The following GNB1 variants were observed in gnomAD, a reference collection of about 807,000 sequenced individuals.
GNB1 encodes the protein guanine nucleotide-binding protein G(I)/G(S)/G(T) subunit beta-1.
In GNB1, 2 loss-of-function variants were observed where a neutral mutation model predicts 42.9. The observed-to-expected ratio is 0.05, with a 90% CI of 0.02 to 0.15. The LOEUF is 0.15. GNB1 is among the 10% of genes least tolerant of loss of function. The pLI, the probability that GNB1 is intolerant of heterozygous loss-of-function variation, is 1.00. For synonymous variants in GNB1, 183 were observed against 174.7 expected (o/e 1.05, Z -0.38); for missense variants, 193 against 462.2 (o/e 0.42, Z 5.34).
intron 1 of GNB1, among the ~76,000 whole-genome samples, chr1:1,870,329 A>G (rs538863273): frequency 6.6e-6 from 1 of 152,230 alleles, no homozygotes; most frequent in African/African-American, 2.4e-5. Flanking sequence ...CACCATGCCC[A>G]GCTAATTTTG....
chr1:1,879,676 G>T (rs1649735149), intron 1 of GNB1, among the ~76,000 whole-genome samples: 1 of 149,280 alleles, frequency 6.7e-6, no homozygotes, highest in Non-Finnish European at 1.5e-5. Flanking sequence ...CTGCACTCCA[G>T]CCTGGGTGAC....
chr1:1,887,073 A>G (rs942435482), intron 1 of GNB1, among the ~76,000 whole-genome samples: 1 of 152,196 alleles, frequency 6.6e-6, no homozygotes, highest in African/African-American at 2.4e-5. Context: ...TACACTAAAT[A>G]GGGGTTTCAA....
At chr1:1,849,653 A>C (rs1252558332) in intron 1 of GNB1, among the ~76,000 whole-genome samples, 1 of 152,046 alleles carries the variant, frequency 6.6e-6, no homozygotes, top group Admixed American at 6.6e-5. Flanking sequence ...TCTGCCACTC[A>C]GTCTCCCAAA....
intron 1 of GNB1, among the ~76,000 whole-genome samples, chr1:1,887,488 G>A (rs1445519328): frequency 6.6e-6 from 1 of 152,154 alleles, no homozygotes; most frequent in Non-Finnish European, 1.5e-5. Context: ...ACAAAGCTCT[G>A]GTACTTTTGC....
At chr1:1,815,230 A>G (rs1646837270) in intron 5 of GNB1, among the ~76,000 whole-genome samples, 1 of 152,178 alleles carries the variant, frequency 6.6e-6, no homozygotes, top group South Asian at 2.1e-4. Context: ...GAGAATGGTG[A>G]GAGCAGCTCA....
chr1:1,861,861 C>T (rs1476783873), intron 1 of GNB1, among the ~76,000 whole-genome samples: 1 of 152,168 alleles, frequency 6.6e-6, no homozygotes, highest in Non-Finnish European at 1.5e-5. Flanking sequence ...AGCCACCAGA[C>T]CCAAAGTGAG....
chr1:1,859,022 T>C (rs1648459363), intron 1 of GNB1, among the ~76,000 whole-genome samples: 1 of 151,924 alleles, frequency 6.6e-6, no homozygotes, highest in South Asian at 2.1e-4. Context: ...GGGTATTTAT[T>C]TTCTTTTTTT....
At chr1:1,803,580 C>T (rs1487020884) in intron 7 of GNB1, among the ~76,000 whole-genome samples, 2 of 152,308 alleles carry the variant, frequency 1.3e-5, no homozygotes, top group East Asian at 3.9e-4. Flanking sequence ...CCATGTCCAG[C>T]GCAAATCCAC....
intron 10 of GNB1, chr1:1,788,144 C>T (rs897616623): frequency 1.3e-5 from 2 of 152,264 alleles, no homozygotes; most frequent in Non-Finnish European, 2.9e-5. Flanking sequence ...CAGCACAAGG[C>T]ACAGAACACA....
intron 1 of GNB1, among the ~76,000 whole-genome samples, chr1:1,853,272 C>T (rs886302305): frequency 1.3e-5 from 2 of 152,142 alleles, no homozygotes; most frequent in African/African-American, 2.4e-5. Flanking sequence ...GCGACTCCTC[C>T]GCTCAGAAGT....
At chr1:1,803,394 T>C (rs1011049341) in intron 7 of GNB1, among the ~76,000 whole-genome samples, 26 of 152,214 alleles carry the variant, frequency 1.7e-4, no homozygotes, top group African/African-American at 6.0e-4. Context: ...CCACCCAGGC[T>C]TGAGCCATCC....
intron 7 of GNB1, among the ~76,000 whole-genome samples, chr1:1,799,087 A>C (rs911502667): frequency 3.3e-5 from 5 of 151,944 alleles, no homozygotes; most frequent in African/African-American, 1.2e-4. Context: ...CGCCCGGCTA[A>C]TTTTTTGTAT....
intron 1 of GNB1, among the ~76,000 whole-genome samples, chr1:1,865,170 G>A (rs1042764852): frequency 2.6e-5 from 4 of 150,946 alleles, no homozygotes; most frequent in African/African-American, 9.8e-5. Flanking sequence ...GCTGAGGCAG[G>A]AGAATGGCAT....
At chr1:1,846,681 C>CT (rs1284647301) in intron 1 of GNB1, among the ~76,000 whole-genome samples, 11 of 152,116 alleles carry the variant, frequency 7.2e-5, no homozygotes, top group African/African-American at 2.4e-4. Context: ...CCTCAGCCCC[C>CT]TAAGTAGCAA....
At chr1:1,794,592 AAAC>A (rs1646522721) in intron 7 of GNB1, among the ~76,000 whole-genome samples, 1 of 152,208 alleles carries the variant, frequency 6.6e-6, no homozygotes, top group Non-Finnish European at 1.5e-5. Context: ...GTGAATCAGC[AAAC>A]AACAAAAATA....
chr1:1,857,080 G>A (rs1648345437), intron 1 of GNB1, among the ~76,000 whole-genome samples: 1 of 152,164 alleles, frequency 6.6e-6, no homozygotes, highest in Non-Finnish European at 1.5e-5. Context: ...GCCTTAATGG[G>A]AAATTTGGTA....
intron 3 of GNB1, among the ~76,000 whole-genome samples, chr1:1,819,295 C>T (rs1475179141): frequency 1.3e-5 from 2 of 151,668 alleles, no homozygotes; most frequent in African/African-American, 4.8e-5. Context: ...GATCTCAGCT[C>T]ACCGCAGCCT....
In GNB1 at chr1:1,790,374, C is replaced by T. The variant is rs1466941007; in HGVS notation, c.699+21G>A. 5 of 1,579,436 alleles carry T rather than the reference C, an allele frequency of 3.2e-6. No individual in the cohort carries two copies. The East Asian group carries it at 6.7e-5, about 21-fold the overall frequency. On this transcript the variant is annotated intron_variant, in intron 9 of 11. Coordinates refer to ENST00000378609, the MANE Select transcript of GNB1 (RefSeq NM_002074.5). This position sits in a 1 kb window ranked among gnomAD's most constrained non-coding sequence, Gnocchi z 5.4. ...GCAGAGACGGCAGAGGACCCGACCC[C>T]ACACCTCCACCCAGACTCACGCAAA...
chr1:1,875,841 C>A (rs1021356329), intron 1 of GNB1, among the ~76,000 whole-genome samples: 1 of 152,036 alleles, frequency 6.6e-6, no homozygotes, highest in African/African-American at 2.4e-5. Flanking sequence ...ACAGTGTCCC[C>A]CCCCCCAAAA....
Sources: gnomAD v4.1 joint callset for allele counts (sites outside exome capture counted in the v4.1 genomes callset) on GRCh38, gnomAD v4.1.1 for gene constraint, Gnocchi (gnomAD v3.1) non-coding constraint, MANE v1.5 for transcripts, NCBI Gene and HGNC (gene_info 2026-07-23, HGNC 2026-07-21) for gene names.